CARS1: variants seen among roughly 807,000 people sequenced by gnomAD.
CARS1 encodes cysteine--tRNA ligase, cytoplasmic.
CARS1 carries 48 observed loss-of-function variants against 106.2 expected under a neutral mutation model. That is an observed-to-expected ratio of 0.45 (90% CI 0.36 to 0.57). The LOEUF (loss-of-function observed/expected upper bound fraction) is 0.57. CARS1 is among the 20% of genes least tolerant of loss of function. The pLI, the probability that CARS1 is intolerant of heterozygous loss-of-function variation, is 0.00. For missense variants in CARS1, 968 were observed against 1,057.2 expected (o/e 0.92, Z 1.17); for synonymous variants, 409 against 403.4 (o/e 1.01, Z -0.17).
chr11:3,032,559 C>T (rs150708394), intron 7 of CARS1, among the ~76,000 whole-genome samples: 31 of 152,130 alleles, frequency 2.0e-4, no homozygotes, highest in South Asian at 8.3e-4. Context: ...GACTGGTTGT[C>T]GGGGCAGAGG....
chr11:3,002,256 G>A (rs907589384), intron 21 of CARS1: 1 of 647,946 alleles, frequency 1.5e-6, no homozygotes, highest in Non-Finnish European at 2.7e-6. Flanking sequence ...ATTTCTACAG[G>A]AATAGTGGAA....
chr11:3,041,888 CGA>C lies in CARS1; in HGVS notation c.366+275_366+276del, dbSNP rs1854507146. On this transcript the variant is annotated intron_variant, in intron 3 of 22. Transcript: ENST00000380525. The surrounding 1 kb of genome is among the most constrained non-coding windows in gnomAD (Gnocchi z 4.9). ...CAAGTACTCATGGTTGGGCAGAGTC[CGA>C]GAGACAAGCCAGGGTGATCCATGCC... is the stretch of plus-strand genomic sequence containing the variant. Among the ~76,000 whole-genome samples, 1 of 152,090 alleles carries C rather than the reference CGA, an allele frequency of 6.6e-6. No individual in the cohort carries two copies. Among genetic ancestry groups the C allele is most frequent in the African/African-American group, 2.4e-5 (1 of 41,402 alleles).
intron 10 of CARS1, among the ~76,000 whole-genome samples, chr11:3,024,765 A>ACAAT (rs1268780067): frequency 6.6e-6 from 1 of 152,142 alleles, no homozygotes; most frequent in Admixed American, 6.5e-5. Context: ...GTTATCTAAT[A>ACAAT]CAATCGCTCC....
At chr11:3,026,600 GT>G in intron 10 of CARS1, 75 bp downstream of exon 10, 1 of 1,539,778 alleles carries the variant, frequency 6.5e-7, no homozygotes, top group Non-Finnish European at 8.9e-7. Context: ...CGCAGCCCCC[GT>G]GGCCTGCAAA....
Position 3,012,247 on chromosome 11 carries a change from C to G in CARS1, c.2016G>C (p.Gln672His). 1 of 1,614,264 alleles carries G rather than the reference C, an allele frequency of 6.2e-7. No individual in the cohort carries two copies. The highest frequency in any genetic ancestry group is 1.6e-4 in the Middle Eastern group (1 of 6,062). The change falls in exon 18 of 23, where the codon CAG (glutamine) becomes CAC (histidine). Residue 672 changes from glutamine to histidine, a missense_variant. Gln to His is a conservative substitution (Grantham distance 24). Transcript: ENST00000380525. Reference protein sequence around the residue: ...SLEATVMPYLQVLSEFREGVR... With the variant: ...SLEATVMPYLHVLSEFREGVR... ...CTCCTTCTCGGAATTCTGATAACACCTGAAGGTAGGGCATGACTGTGGCCT... is the reference window on the plus strand; with the variant it reads ...CTCCTTCTCGGAATTCTGATAACACGTGAAGGTAGGGCATGACTGTGGCCT...
chr11:3,057,379 C>T lies in CARS1; in HGVS notation c.-12G>A. The T allele has an allele frequency of 2.5e-6, 4 of 1,609,830 alleles. No homozygotes were observed. Among genetic ancestry groups the T allele is most frequent in the Non-Finnish European group, 3.4e-6 (4 of 1,178,486 alleles). ...GAGGAATCTGCCATGGCTGGGAATC[C>T]CGGACCCGCAGCTGCGGCTACAGAC... On this transcript the variant is annotated 5_prime_UTR_variant, in exon 1 of 23. Coordinates refer to ENST00000380525, the MANE Select transcript of CARS1 (RefSeq NM_001014437.3).
rs544843145 is a variant in CARS1 at position 3,057,411 on chromosome 11, T to C, written c.-44A>G. 6 of 1,583,608 alleles carry C rather than the reference T, an allele frequency of 3.8e-6. No individual in the cohort carries two copies. The African/African-American group carries it at 4.0e-5, about 11-fold the overall frequency. On this transcript the variant is annotated 5_prime_UTR_variant, in exon 1 of 23. Coordinates refer to ENST00000380525, the MANE Select transcript of CARS1 (RefSeq NM_001014437.3). ...CGCAGCTGCGGCTACAGACACTTCC[T>C]AGAATCTGATGCAACCGCCGCCCCG... is the stretch of plus-strand genomic sequence containing the variant.
Position 3,038,004 on chromosome 11 carries a change from G to A in CARS1, c.801+46C>T, listed in dbSNP as rs1355014904. 5.7e-6 allele frequency: 9 copies of A among 1,583,982 alleles called. No homozygotes were observed. Among genetic ancestry groups the A allele is most frequent in the African/African-American group, 5.4e-5 (4 of 74,080 alleles). ...ACACAGATCAGTCTATGCACGGCCC[G>A]ACATTTGACCCGAACGGGCTGTCTG... On this transcript the variant is annotated intron_variant, in intron 7 of 22. Coordinates refer to ENST00000380525, the MANE Select transcript of CARS1 (RefSeq NM_001014437.3). This position sits in a 1 kb window ranked among gnomAD's most constrained non-coding sequence, Gnocchi z 4.0.
At position 3,040,762 on chromosome 11, in the gene CARS1, T is replaced by C. The variant is rs369461; in HGVS notation, c.455+134A>G. The C allele has an allele frequency of 0.39, 349,003 of 886,214 alleles. 74,286 individuals are homozygous for C. The highest frequency in any genetic ancestry group is 0.67 in the East Asian group (26,414 of 39,284). The allele number at this position is 886,214 out of a possible 1,614,324, so 54.9% of individuals were successfully genotyped here. On this transcript the variant is annotated intron_variant, in intron 4 of 22. Coordinates refer to ENST00000380525, the MANE Select transcript of CARS1 (RefSeq NM_001014437.3). The surrounding 1 kb of genome is among the most constrained non-coding windows in gnomAD (Gnocchi z 5.8). ...AAAAATAAGAGAAGAAATTCAGTCT[T>C]GATTCCTCAAATCTCAGGTCTCTGT...
At chr11:3,027,550 T>C (rs1348711287) in intron 9 of CARS1, 1 of 203,882 alleles carries the variant, frequency 4.9e-6, no homozygotes, top group Admixed American at 5.1e-5. Context: ...ATATAGATCT[T>C]AGATATGATT....
chr11:3,056,986 C>T (rs943813387), intron 1 of CARS1, among the ~76,000 whole-genome samples: 21 of 152,286 alleles, frequency 1.4e-4, no homozygotes, highest in Non-Finnish European at 2.2e-4. Flanking sequence ...ACGCAGGAGT[C>T]CCAGGGGTCC....
At chr11:3,001,387 A>G (rs944844598) in intron 22 of CARS1, 139 bp from the exon 23 acceptor site, 6 of 974,018 alleles carry the variant, frequency 6.2e-6, no homozygotes, top group Non-Finnish European at 7.6e-6. Flanking sequence ...CAGTCACCAC[A>G]CTGCTCTGGA....
At chr11:3,047,644 G>A in intron 2 of CARS1, 109 bp downstream of exon 2, 1 of 1,423,216 alleles carries the variant, frequency 7.0e-7, no homozygotes, top group Non-Finnish European at 9.5e-7. Context: ...CTTGGGCGAG[G>A]CTCCCTCTGG....
chr11:3,014,112 A>G (rs1850763521), intron 17 of CARS1, among the ~76,000 whole-genome samples: 3 of 152,292 alleles, frequency 2.0e-5, no homozygotes, highest in African/African-American at 7.2e-5. Context: ...AGCCCAGACA[A>G]GCCTTGGGGA....
At chr11:3,031,288 G>A (rs1009374012) in intron 7 of CARS1, 1 of 152,054 alleles carries the variant, frequency 6.6e-6, no homozygotes, top group Non-Finnish European at 1.5e-5. Flanking sequence ...AATTTGAAGG[G>A]CAGCCGATGT....
Position 3,037,755 on chromosome 11 carries a change from C to T in CARS1, c.801+295G>A, listed in dbSNP as rs911746298. ...ACTTCGACAGAAGGCTGCCTCCCCACGTTCCAAGTGCACCTCCTGCCTATC... is the reference window on the plus strand; with the variant it reads ...ACTTCGACAGAAGGCTGCCTCCCCATGTTCCAAGTGCACCTCCTGCCTATC... On this transcript the variant is annotated intron_variant, in intron 7 of 22. Transcript: ENST00000380525. This position sits in a 1 kb window ranked among gnomAD's most constrained non-coding sequence, Gnocchi z 5.9. Among the ~76,000 whole-genome samples, 8 of 152,190 alleles carry T rather than the reference C, an allele frequency of 5.3e-5. No individual in the cohort carries two copies. The highest frequency in any genetic ancestry group is 1.3e-4 in the Admixed American group (2 of 15,284).
intron 1 of CARS1, among the ~76,000 whole-genome samples, chr11:3,056,895 G>A: frequency 6.6e-6 from 1 of 152,220 alleles, no homozygotes; most frequent in Non-Finnish European, 1.5e-5. Context: ...GGAAACTGAG[G>A]CTGGGTGGTC....
At chr11:3,054,792 A>G in intron 1 of CARS1, 1 of 692,206 alleles carries the variant, frequency 1.4e-6, no homozygotes, top group Admixed American at 2.0e-5. Flanking sequence ...AGTGCCTGGC[A>G]CAGACTCATG....
rs1855067485 is a variant in CARS1, at chr11:3,046,274, C to T, written c.274+1479G>A. Among the ~76,000 whole-genome samples, 1 of 152,190 alleles carries T rather than the reference C, an allele frequency of 6.6e-6. No individual in the cohort carries two copies. Among genetic ancestry groups the T allele is most frequent in the Non-Finnish European group, 1.5e-5 (1 of 68,036 alleles). ...TTCAACAAGTCCCTATGAGGGAAGC[C>T]TGGACAGGCCACTGCTGAGCTGGAC... is the stretch of plus-strand genomic sequence containing the variant. On this transcript the variant is annotated intron_variant, in intron 2 of 22. Coordinates refer to ENST00000380525, the MANE Select transcript of CARS1 (RefSeq NM_001014437.3). This position sits in a 1 kb window ranked among gnomAD's most constrained non-coding sequence, Gnocchi z 5.8.
Sources: allele counts gnomAD v4.1 joint callset (sites outside exome capture counted in the v4.1 genomes callset), GRCh38; gene constraint gnomAD v4.1.1; non-coding constraint Gnocchi (gnomAD v3.1); transcripts MANE v1.5; gene names NCBI Gene and HGNC (gene_info 2026-07-23, HGNC 2026-07-21).